The following SYT17 variants were observed in gnomAD, a reference collection of about 807,000 sequenced individuals.
The protein encoded by SYT17 is synaptotagmin-17.
In SYT17, 22 loss-of-function variants were observed where a neutral mutation model predicts 46.7. The observed-to-expected ratio is 0.47, with a 90% CI of 0.34 to 0.67. The LOEUF (loss-of-function observed/expected upper bound fraction) is 0.67. Ranked by LOEUF, SYT17 falls within the 30% of genes least tolerant of loss-of-function variation. The pLI is 0.01. For synonymous variants in SYT17, 251 were observed against 248.4 expected (o/e 1.01, Z -0.10); for missense variants, 519 against 612.8 (o/e 0.85, Z 1.62).
At chr16:19,266,836 C>A (rs372459311) in intron 7 of SYT17, 44 bp from the exon 8 acceptor site, 3 of 1,578,248 alleles carry the variant, frequency 1.9e-6, no homozygotes, top group African/African-American at 2.7e-5. Flanking sequence ...TGTTCCCCTC[C>A]TTCCTCTTGC....
chr16:19,249,940 G>A lies in SYT17; in HGVS notation c.1229-16940G>A, dbSNP rs980384823. ...TTCACCAAGTCCTCTTTTTGCTCTA[G>A]GATCCAACAGCCCCATACCAGCCTG... On this transcript the variant is annotated intron_variant, in intron 7 of 7. Coordinates refer to ENST00000355377, the MANE Select transcript of SYT17 (RefSeq NM_016524.4). 7 of 1,534,826 alleles carry A rather than the reference G, an allele frequency of 4.6e-6. No homozygotes were observed. The Admixed American group carries it at 9.9e-5, about 22-fold the overall frequency.
intron 7 of SYT17, among the ~76,000 whole-genome samples, chr16:19,262,662 C>T (rs890183386): frequency 6.6e-6 from 1 of 152,200 alleles, no homozygotes; most frequent in Non-Finnish European, 1.5e-5. Context: ...AGAAGACTCA[C>T]CTGAGCCTTG....
rs1963951761 is a variant in SYT17, at chr16:19,168,496, G to GCCGCTCATCAGCCACGCCAGTCA, written c.-149_-127dup. ...CGGGGCGGCCGGCGGAGGGGCGGGCGCCGCTCATCAGCCACGCCAGTCACG... is the reference window on the plus strand; with the variant it reads ...CGGGGCGGCCGGCGGAGGGGCGGGCGCCGCTCATCAGCCACGCCAGTCACCGCTCATCAGCCACGCCAGTCACG... On this transcript the variant is annotated 5_prime_UTR_variant, in exon 1 of 8. Transcript: ENST00000355377. The surrounding 1 kb of genome is among the most constrained non-coding windows in gnomAD (Gnocchi z 6.9). The GCCGCTCATCAGCCACGCCAGTCA allele has an allele frequency of 1.9e-6, 2 of 1,055,822 alleles. No homozygotes were observed. The highest frequency in any genetic ancestry group is 6.1e-5 in the East Asian group (2 of 32,536). The allele number at this position is 1,055,822 out of a possible 1,614,324, so 65.4% of individuals were successfully genotyped here.
intron 7 of SYT17, among the ~76,000 whole-genome samples, chr16:19,231,710 G>A (rs1034998768): frequency 6.6e-6 from 1 of 152,020 alleles, no homozygotes; most frequent in Non-Finnish European, 1.5e-5. Context: ...GCTCCCTGGG[G>A]CTGGAGCTGA....
At chr16:19,179,292 T>C (rs946925659) in intron 3 of SYT17, among the ~76,000 whole-genome samples, 1 of 152,006 alleles carries the variant, frequency 6.6e-6, no homozygotes, top group Non-Finnish European at 1.5e-5. Context: ...CATGCCCAGC[T>C]AATTTAAAAA....
At chr16:19,182,449 T>A (rs557687799) in intron 4 of SYT17, among the ~76,000 whole-genome samples, 128 of 152,306 alleles carry the variant, frequency 8.4e-4, no homozygotes, top group Non-Finnish European at 1.6e-3. Context: ...ATTTTGCCCT[T>A]TTATTTGCAT....
chr16:19,216,773 G>A lies in SYT17; in HGVS notation c.952-6272G>A, dbSNP rs1038825996. 6.6e-5 allele frequency among the ~76,000 whole-genome samples: 10 copies of A among 152,196 alleles called. No homozygotes were observed. In the South Asian group the frequency reaches 1.9e-3, roughly 28 times the overall value. ...ATATATGCTACATTTTCTTTATCCTGTCTATCATTGTTGGACATTGGGGTT... is the reference window on the plus strand; with the variant it reads ...ATATATGCTACATTTTCTTTATCCTATCTATCATTGTTGGACATTGGGGTT... On this transcript the variant is annotated intron_variant, in intron 5 of 7. Coordinates refer to ENST00000355377, the MANE Select transcript of SYT17 (RefSeq NM_016524.4).
chr16:19,265,243 T>C (rs1028695606), intron 7 of SYT17, among the ~76,000 whole-genome samples: 2 of 152,240 alleles, frequency 1.3e-5, no homozygotes, highest in African/African-American at 4.8e-5. Flanking sequence ...AAAGCTTCCA[T>C]TCCTATTATT....
At position 19,180,556 on chromosome 16, in the gene SYT17, T is replaced by C. The variant is rs1964509775; in HGVS notation, c.331+17T>C. 6.2e-7 allele frequency: 1 copy of C among 1,613,356 alleles called. No homozygotes were observed. Among genetic ancestry groups the C allele is most frequent in the Non-Finnish European group, 8.5e-7 (1 of 1,179,532 alleles). On this transcript the variant is annotated intron_variant, in intron 4 of 7. Transcript: ENST00000355377. Reference sequence around the variant, plus strand: ...GGATTTCGAGTAAGTATCTCTGCTTTACCTTTCTGGGGGCCCTGGCTGGCT... The same window carrying C: ...GGATTTCGAGTAAGTATCTCTGCTTCACCTTTCTGGGGGCCCTGGCTGGCT...
chr16:19,220,303 C>CTTTCTTTTTTTTTTTTTTTTT (rs776097400), intron 5 of SYT17, among the ~76,000 whole-genome samples: 6 of 80,498 alleles, frequency 7.5e-5, no homozygotes, highest in Non-Finnish European at 1.1e-4. Context: ...TTCTTTCTTT[C>CTTTCTTTTTTTTTTTTTTTTT]TTTTTTTTTT....
In SYT17 at chr16:19,182,041, A is replaced by G. The variant is rs34375694; in HGVS notation, c.332-1487A>G. 7.2e-3 allele frequency among the ~76,000 whole-genome samples: 1,095 copies of G among 151,902 alleles called. 8 individuals carry two copies. Among genetic ancestry groups the G allele is most frequent in the Non-Finnish European group, 0.012 (808 of 67,948 alleles). On this transcript the variant is annotated intron_variant, in intron 4 of 7. Transcript: ENST00000355377. ...AGAGAGAGAGGATTTAAAGTATCTC[A>G]CTAAAATATTTTTATATTGGTTCCA... is the stretch of plus-strand genomic sequence containing the variant.
chr16:19,230,241 C>G (rs995356250), intron 7 of SYT17, among the ~76,000 whole-genome samples: 1 of 151,994 alleles, frequency 6.6e-6, no homozygotes, highest in African/African-American at 2.4e-5. Context: ...AACCCCATCT[C>G]TATAAAAATA....
intron 7 of SYT17, among the ~76,000 whole-genome samples, chr16:19,239,301 T>C (rs1396503600): frequency 6.6e-6 from 1 of 150,734 alleles, no homozygotes; most frequent in Admixed American, 6.6e-5. Context: ...AATTAATTAA[T>C]TAAACATTTA....
intron 7 of SYT17, among the ~76,000 whole-genome samples, chr16:19,263,340 C>A (rs555848268): frequency 3.0e-4 from 46 of 152,088 alleles, no homozygotes; most frequent in African/African-American, 9.9e-4. Context: ...TAATATATGA[C>A]CTTAAAAACT....
chr16:19,189,787 C>T (rs1964941541), intron 5 of SYT17, among the ~76,000 whole-genome samples: 1 of 152,194 alleles, frequency 6.6e-6, no homozygotes, highest in Admixed American at 6.5e-5. Flanking sequence ...TTAGCCTATT[C>T]TAATGGTGTG....
At chr16:19,195,758 G>A (rs1161309724) in intron 5 of SYT17, among the ~76,000 whole-genome samples, 1 of 151,650 alleles carries the variant, frequency 6.6e-6, no homozygotes, top group Non-Finnish European at 1.5e-5. Flanking sequence ...CCAAGGCGGG[G>A]GGATTATGTG....
intron 7 of SYT17, among the ~76,000 whole-genome samples, chr16:19,227,465 G>A (rs565430241): frequency 4.6e-5 from 7 of 152,014 alleles, no homozygotes; most frequent in Admixed American, 3.3e-4. Flanking sequence ...ATAGGTGCAC[G>A]CCACCATGCC....
intron 5 of SYT17, among the ~76,000 whole-genome samples, chr16:19,214,556 T>G (rs536694519): frequency 2.6e-5 from 4 of 152,202 alleles, no homozygotes; most frequent in African/African-American, 9.6e-5. Context: ...ACTGAGAAGA[T>G]GCTGGCTCCA....
chr16:19,222,894 G>T (rs749528362), intron 5 of SYT17, 151 bp from the exon 6 acceptor site: 4 of 952,738 alleles, frequency 4.2e-6, no homozygotes, highest in Admixed American at 2.7e-5. Flanking sequence ...TAGAGGCAGA[G>T]ATGAAAAGAA....
Sources: gnomAD v4.1 joint callset for allele counts (sites outside exome capture counted in the v4.1 genomes callset) on GRCh38, gnomAD v4.1.1 for gene constraint, Gnocchi (gnomAD v3.1) non-coding constraint, MANE v1.5 for transcripts, NCBI Gene and HGNC (gene_info 2026-07-23, HGNC 2026-07-21) for gene names.